FHIT: variants seen among roughly 807,000 people sequenced by gnomAD.
FHIT encodes the protein fragile histidine triad diadenosine triphosphatase, also known as bis(5'-adenosyl)-triphosphatase.
A neutral mutation model predicts 17.9 loss-of-function variants in FHIT; 19 were observed. The ratio of observed to expected loss-of-function variants is 1.06; its 90% confidence interval spans 0.74 to 1.56. The LOEUF (loss-of-function observed/expected upper bound fraction) is 1.56, where lower values mean the gene tolerates loss of function less well. Among genes scored for constraint, FHIT ranks in the 40% most tolerant of loss-of-function variants. The probability of loss-of-function intolerance (pLI) is 0.00; values close to 1 mark genes in which losing one functional copy is unlikely to be tolerated. For synonymous variants in FHIT, 81 were observed against 69.7 expected (o/e 1.16, Z -0.81); for missense variants, 248 against 189.2 (o/e 1.31, Z -1.82).
chr3:60,646,725 C>A (rs2039866378), intron 4 of FHIT, among the ~76,000 whole-genome samples: 1 of 152,136 alleles, frequency 6.6e-6, no homozygotes, highest in African/African-American at 2.4e-5. Context: ...GCAGAGTTGA[C>A]ATGGCGTTAC....
chr3:60,814,062 T>C (rs1701654356), intron 4 of FHIT, among the ~76,000 whole-genome samples: 2 of 152,186 alleles, frequency 1.3e-5, no homozygotes, highest in Admixed American at 6.5e-5. Context: ...TTTTTGAATA[T>C]TTATTTATTT....
chr3:61,091,485 A>G (rs564158815), intron 2 of FHIT, among the ~76,000 whole-genome samples: 1 of 152,058 alleles, frequency 6.6e-6, no homozygotes, highest in Non-Finnish European at 1.5e-5. Context: ...TCCTCCTCCT[A>G]CTCGTCCTCA....
chr3:60,676,590 T>C (rs782697293), intron 4 of FHIT, among the ~76,000 whole-genome samples: 18 of 152,164 alleles, frequency 1.2e-4, no homozygotes, highest in African/African-American at 1.9e-4. Context: ...ATGTGTCACC[T>C]AGAGAACACA....
At chr3:61,166,718 C>A (rs1400864258) in intron 2 of FHIT, among the ~76,000 whole-genome samples, 1 of 152,188 alleles carries the variant, frequency 6.6e-6, no homozygotes, top group Non-Finnish European at 1.5e-5. Context: ...TTCCAAAATA[C>A]AGTCACTTTC....
At chr3:59,897,727 A>C (rs960881882) in intron 8 of FHIT, among the ~76,000 whole-genome samples, 4 of 151,388 alleles carry the variant, frequency 2.6e-5, no homozygotes, top group Admixed American at 6.5e-5. Flanking sequence ...CTAATCTGAA[A>C]ATCTGAAATG....
At chr3:60,368,056 G>A (rs941476262) in intron 5 of FHIT, among the ~76,000 whole-genome samples, 22 of 151,818 alleles carry the variant, frequency 1.4e-4, no homozygotes, top group Admixed American at 3.9e-4. Context: ...ATGGACTATC[G>A]GATTATTTCC....
At chr3:59,917,727 A>G (rs559722900) in intron 8 of FHIT, among the ~76,000 whole-genome samples, 1 of 152,298 alleles carries the variant, frequency 6.6e-6, no homozygotes, top group Admixed American at 6.5e-5. Context: ...GACAGAAGAG[A>G]GGCTCATACT....
intron 5 of FHIT, among the ~76,000 whole-genome samples, chr3:60,098,616 G>A (rs1484960348): frequency 6.6e-6 from 1 of 152,028 alleles, no homozygotes; most frequent in African/African-American, 2.4e-5. Flanking sequence ...CTGGATATTA[G>A]CCCTTTGTCA....
intron 4 of FHIT, among the ~76,000 whole-genome samples, chr3:60,640,818 T>A (rs1193933541): frequency 1.3e-5 from 2 of 152,218 alleles, no homozygotes; most frequent in African/African-American, 4.8e-5. Context: ...CCTTATCTGC[T>A]AAATAAACAT....
chr3:60,832,471 T>C (rs528103728), intron 3 of FHIT, among the ~76,000 whole-genome samples: 12 of 152,204 alleles, frequency 7.9e-5, no homozygotes, highest in Non-Finnish European at 1.6e-4. Context: ...GTAACAAATT[T>C]AACATAAACT....
At chr3:61,122,551 G>A (rs141489948) in intron 2 of FHIT, among the ~76,000 whole-genome samples, 1,855 of 152,080 alleles carry the variant, frequency 0.012, 32 homozygotes, top group African/African-American at 0.041. Flanking sequence ...AAGAAACTAC[G>A]ATCAGAGTGA....
chr3:59,865,264 A>G (rs531236572), intron 8 of FHIT, among the ~76,000 whole-genome samples: 5 of 151,194 alleles, frequency 3.3e-5, no homozygotes, highest in East Asian at 1.9e-4. Flanking sequence ...ATATTTAAAT[A>G]CCAGTCTTTT....
At chr3:61,115,686 AG>A (rs2036280780) in intron 2 of FHIT, among the ~76,000 whole-genome samples, 1 of 152,180 alleles carries the variant, frequency 6.6e-6, no homozygotes, top group Non-Finnish European at 1.5e-5. Flanking sequence ...TTATTCTTAA[AG>A]ATACCTTGAG....
chr3:60,908,791 G>A (rs1706567482), intron 3 of FHIT, among the ~76,000 whole-genome samples: 1 of 151,344 alleles, frequency 6.6e-6, no homozygotes, highest in Non-Finnish European at 1.5e-5. Flanking sequence ...AAAACGCAGG[G>A]CAACACACAA....
At chr3:60,928,438 A>G (rs1553770677) in intron 3 of FHIT, among the ~76,000 whole-genome samples, 2 of 151,548 alleles carry the variant, frequency 1.3e-5, no homozygotes, top group Non-Finnish European at 2.9e-5. Flanking sequence ...GGTCCCAGCT[A>G]CTCAGGAGGC....
At chr3:60,769,959 A>G (rs1370185029) in intron 4 of FHIT, among the ~76,000 whole-genome samples, 2 of 152,190 alleles carry the variant, frequency 1.3e-5, no homozygotes, top group African/African-American at 4.8e-5. Flanking sequence ...TGGACACCTC[A>G]CACCCCACTC....
At chr3:61,137,155 T>C (rs558329668) in intron 2 of FHIT, among the ~76,000 whole-genome samples, 3 of 152,220 alleles carry the variant, frequency 2.0e-5, no homozygotes, top group East Asian at 3.9e-4. Context: ...AGACTCTTTG[T>C]GGCACAGTCC....
intron 5 of FHIT, among the ~76,000 whole-genome samples, chr3:60,337,637 A>G (rs1263840158): frequency 8.5e-5 from 13 of 152,216 alleles, no homozygotes; most frequent in Admixed American, 8.5e-4. Context: ...ATGGTGGACA[A>G]GTTAGCCGTG....
At chr3:60,066,269 G>C (rs1702499455) in intron 5 of FHIT, among the ~76,000 whole-genome samples, 1 of 152,086 alleles carries the variant, frequency 6.6e-6, no homozygotes. Context: ...TTCTCACCTT[G>C]TTCTCATTTT....
Sources: gnomAD v4.1 joint callset for allele counts (sites outside exome capture counted in the v4.1 genomes callset) on GRCh38, gnomAD v4.1.1 for gene constraint, MANE v1.5 for transcripts, NCBI Gene and HGNC (gene_info 2026-07-23, HGNC 2026-07-21) for gene names.